Variants in LGR5 observed in about 807,000 individuals in gnomAD.
LGR5 encodes the protein leucine-rich repeat-containing G protein-coupled receptor 5.
Under a neutral mutation model 76.7 loss-of-function variants are expected in LGR5, and 54 were observed. That is an observed-to-expected ratio of 0.70 (90% CI 0.57 to 0.88). LGR5 has a LOEUF of 0.88. Among genes scored for constraint, LGR5 ranks in the 40% least tolerant of loss-of-function variants. LGR5 has a pLI of 0.00. For missense variants in LGR5, 1,078 were observed against 1,073.3 expected, an observed-to-expected ratio of 1.00 and a Z score of -0.06; for synonymous variants, 406 against 421.9, an observed-to-expected ratio of 0.96 and a Z score of 0.46.
At chr12:71,479,651 G>C (rs1256805408) in intron 1 of LGR5, among the ~76,000 whole-genome samples, 1 of 152,052 alleles carries the variant, frequency 6.6e-6, no homozygotes, top group African/African-American at 2.4e-5. Context: ...GACTTATCTG[G>C]GGGGGTGGGG....
At chr12:71,513,547 CA>C (rs1343229604) in intron 2 of LGR5, among the ~76,000 whole-genome samples, 2 of 152,286 alleles carry the variant, frequency 1.3e-5, no homozygotes, top group Admixed American at 1.3e-4. Context: ...ATAGTGTGAG[CA>C]AATAACCTCC....
At chr12:71,577,865 A>T in intron 13 of LGR5, 60 bp from the exon 14 acceptor site, 1 of 1,149,854 alleles carries the variant, frequency 8.7e-7, no homozygotes, top group Non-Finnish European at 1.3e-6. Context: ...AATGCATATG[A>T]TAAAACTTCA....
At chr12:71,552,400 AC>A (rs1206285580) in intron 4 of LGR5, among the ~76,000 whole-genome samples, 10 of 151,988 alleles carry the variant, frequency 6.6e-5, no homozygotes. Context: ...CCCTGTCTCT[AC>A]TAAAAATGTA....
chr12:71,553,861 C>G (rs972217616), intron 5 of LGR5, among the ~76,000 whole-genome samples: 1 of 152,240 alleles, frequency 6.6e-6, no homozygotes, highest in Non-Finnish European at 1.5e-5. Flanking sequence ...GAAGCCAAGG[C>G]GGGTGTATCA....
intron 1 of LGR5, among the ~76,000 whole-genome samples, chr12:71,460,893 G>A (rs945626170): frequency 1.3e-5 from 2 of 152,212 alleles, no homozygotes; most frequent in Middle Eastern, 3.4e-3. Context: ...GTGAATGAAT[G>A]AATGGTTTCT....
intron 14 of LGR5, 107 bp downstream of exon 14, chr12:71,578,103 C>G: frequency 1.2e-6 from 1 of 812,650 alleles, no homozygotes; most frequent in Non-Finnish European, 2.1e-6. Flanking sequence ...CACAGATTAC[C>G]TGCCTCTGTG....
rs910744920 is a variant in LGR5 at position 71,463,833 on chromosome 12, G to A, written c.212+23541G>A. The stretch of plus-strand genomic sequence containing the variant: ...TATATAAATTATAATATACATATAT[G>A]TATACATATATATGTGTGTGTATAT... On this transcript the variant is annotated intron_variant, in intron 1 of 17. Coordinates refer to ENST00000266674, the MANE Select transcript of LGR5 (RefSeq NM_003667.4). Among the ~76,000 whole-genome samples, 5 of 151,682 alleles carry A rather than the reference G, an allele frequency of 3.3e-5. No homozygotes were observed. The East Asian group carries it at 9.7e-4, about 29-fold the overall frequency.
intron 14 of LGR5, among the ~76,000 whole-genome samples, chr12:71,578,212 G>C (rs918602256): frequency 6.6e-6 from 1 of 152,122 alleles, no homozygotes. Context: ...GGTGACACCT[G>C]GTTCTCATTA....
At chr12:71,469,883 A>G (rs921691793) in intron 1 of LGR5, among the ~76,000 whole-genome samples, 3 of 152,104 alleles carry the variant, frequency 2.0e-5, no homozygotes, top group African/African-American at 7.2e-5. Context: ...TCTTTCTTTT[A>G]AAAGCAGGAA....
intron 8 of LGR5, among the ~76,000 whole-genome samples, chr12:71,563,583 C>T (rs547893113): frequency 4.6e-5 from 7 of 152,326 alleles, no homozygotes; most frequent in Non-Finnish European, 8.8e-5. Flanking sequence ...AAGCTCTCCT[C>T]ATTCACCCTA....
chr12:71,561,840 C>T lies in LGR5; in HGVS notation c.845C>T (p.Ser282Phe). 1 of 1,594,868 alleles carries T rather than the reference C, an allele frequency of 6.3e-7. No individual in the cohort carries two copies. Among genetic ancestry groups the T allele is most frequent in the Non-Finnish European group, 8.6e-7 (1 of 1,163,802 alleles). Residue 282 changes from serine to phenylalanine, a missense_variant, in exon 8 of 18, where the codon TCT (serine) becomes TTT (phenylalanine). Coordinates refer to ENST00000266674, the MANE Select transcript of LGR5 (RefSeq NM_003667.4). ...IPEKAFVGNPSLITIHFYDNP... is the reference protein window; with the variant it reads ...IPEKAFVGNPFLITIHFYDNP... ...GAGAAAGCATTTGTAGGCAACCCTT[C>T]TCTTATTACAATGTAAGTGACCATA...
At chr12:71,545,217 G>A (rs529695682) in intron 4 of LGR5, among the ~76,000 whole-genome samples, 29 of 152,262 alleles carry the variant, frequency 1.9e-4, no homozygotes, top group Admixed American at 1.3e-3. Context: ...AGGCCAAGGC[G>A]GGAGGATCAC....
Position 71,525,348 on chromosome 12 carries a change from C to T in LGR5, c.356+871C>T, listed in dbSNP as rs73144313. 4.8e-3 allele frequency among the ~76,000 whole-genome samples: 724 copies of T among 151,760 alleles called. 4 individuals carry two copies. The highest frequency in any genetic ancestry group is 7.8e-3 in the Non-Finnish European group (528 of 67,892). On this transcript the variant is annotated intron_variant, in intron 3 of 17. Transcript: ENST00000266674. ...TTCAACAGCAGAACCGTTATTTGAT[C>T]GCCTTAGGAGATTGGGTTTGGTTTC...
intron 4 of LGR5, among the ~76,000 whole-genome samples, chr12:71,539,173 C>T (rs1319803314): frequency 3.9e-5 from 6 of 152,048 alleles, no homozygotes; most frequent in African/African-American, 1.4e-4. Context: ...CTAGGTGATT[C>T]GTAGGCAAAA....
intron 6 of LGR5, among the ~76,000 whole-genome samples, chr12:71,557,388 T>TC (rs1256999085): frequency 6.6e-6 from 1 of 152,212 alleles, no homozygotes. Flanking sequence ...TTTAATTACT[T>TC]CTTACAGCCA....
intron 4 of LGR5, among the ~76,000 whole-genome samples, chr12:71,547,653 C>T (rs531829012): frequency 1.3e-5 from 2 of 152,266 alleles, no homozygotes; most frequent in East Asian, 1.9e-4. Context: ...TCAATATGCC[C>T]TCAAATCTTG....
chr12:71,579,569 G>A (rs11178866), intron 15 of LGR5, among the ~76,000 whole-genome samples: 3,549 of 152,050 alleles, frequency 0.023, 77 homozygotes, highest in African/African-American at 0.062. Context: ...TTTGATACAG[G>A]CATGCAATAT....
At chr12:71,451,836 T>C (rs1872263188) in intron 1 of LGR5, among the ~76,000 whole-genome samples, 1 of 152,154 alleles carries the variant, frequency 6.6e-6, no homozygotes, top group Admixed American at 6.5e-5. Context: ...AGGGAATTCC[T>C]GGAGATAGCA....
rs534476587 is a variant in LGR5, at chr12:71,470,780, A to G, written c.212+30488A>G. ...TACAACAAACCATCTCTGACAGAACATGTGCTGTCCCTGCACGTGAGGCCA... is the reference window on the plus strand; with the variant it reads ...TACAACAAACCATCTCTGACAGAACGTGTGCTGTCCCTGCACGTGAGGCCA... On this transcript the variant is annotated intron_variant, in intron 1 of 17. Coordinates refer to ENST00000266674, the MANE Select transcript of LGR5 (RefSeq NM_003667.4). Among the ~76,000 whole-genome samples, 4 of 152,304 alleles carry G rather than the reference A, an allele frequency of 2.6e-5. No individual in the cohort carries two copies. In the South Asian group the frequency reaches 6.2e-4, roughly 24 times the overall value.
Sources: gnomAD v4.1 joint callset for allele counts (sites outside exome capture counted in the v4.1 genomes callset) on GRCh38, gnomAD v4.1.1 for gene constraint, MANE v1.5 for transcripts, NCBI Gene and HGNC (gene_info 2026-07-23, HGNC 2026-07-21) for gene names.